The following CPNE1 variants were observed in gnomAD, a reference collection of about 807,000 sequenced individuals.
CPNE1 encodes copine 1, also known as copine-1.
Under a neutral mutation model 63.2 loss-of-function variants are expected in CPNE1, and 58 were observed. That is an observed-to-expected ratio of 0.92 (90% CI 0.74 to 1.14). CPNE1 has a LOEUF of 1.14. Ranked by LOEUF, CPNE1 falls within the 50% of genes most tolerant of loss-of-function variation. The pLI, the probability that CPNE1 is intolerant of heterozygous loss-of-function variation, is 0.00. For synonymous variants in CPNE1, 237 were observed against 249.0 expected (o/e 0.95, Z 0.45); for missense variants, 672 against 661.7 (o/e 1.02, Z -0.17).
intron 1 of CPNE1, chr20:35,654,107 G>T: frequency 1.2e-6 from 2 of 1,614,226 alleles, no homozygotes; most frequent in Admixed American, 1.7e-5. Flanking sequence ...GGAAGTGTCT[G>T]AGGAGGGGGA....
intron 1 of CPNE1, chr20:35,647,186 T>A (rs1384790221): frequency 1.3e-5 from 2 of 151,886 alleles, no homozygotes; most frequent in African/African-American, 4.8e-5. Flanking sequence ...TGGTGGCAGA[T>A]GCCCATAATC....
intron 1 of CPNE1, chr20:35,653,535 A>C: frequency 6.2e-7 from 1 of 1,614,226 alleles, no homozygotes; most frequent in Non-Finnish European, 8.5e-7. Flanking sequence ...TACGTGCATC[A>C]TCTTCATTTT....
intron 1 of CPNE1, among the ~76,000 whole-genome samples, chr20:35,634,405 C>A (rs1225545572): frequency 6.6e-6 from 1 of 151,384 alleles, no homozygotes; most frequent in Non-Finnish European, 1.5e-5. Context: ...ACCAGCCTGA[C>A]CAACATGGTG....
At chr20:35,653,505 AC>A in intron 1 of CPNE1, 1 of 1,614,210 alleles carries the variant, frequency 6.2e-7, no homozygotes, top group Non-Finnish European at 8.5e-7. Context: ...TAAGTTTTTT[AC>A]GGTGTAAGCG....
In CPNE1 at chr20:35,632,680, C is replaced by A; in HGVS notation, c.146G>T (p.Arg49Leu). 1 of 1,091,070 alleles carries A rather than the reference C, an allele frequency of 9.2e-7. No individual in the cohort carries two copies. The highest frequency in any genetic ancestry group is 1.4e-6 in the Non-Finnish European group (1 of 701,832). The allele number at this position is 1,091,070 out of a possible 1,614,324, so 67.6% of individuals were successfully genotyped here. A position where few individuals can be genotyped will look rare whatever the true frequency, so the allele number is the denominator to read the frequency against. Residue 49 changes from arginine (R) to leucine (L), a missense_variant, in exon 3 of 16, where the codon CGG becomes CTG. By Grantham distance (102) the Arg-to-Leu change is moderately radical (BLOSUM62 -2). Coordinates refer to ENST00000397443, the MANE Select transcript of CPNE1 (RefSeq NM_152925.3). ...CTCAGGGCTTGAGCAGTTCCGCACC[C>A]GTTCAGTCCGGCCAAGCTGTGGGCA... ...GSWAELGRTE[R>L]VRNCSSPEFS...
chr20:35,652,081 T>C (rs1457021187), intron 1 of CPNE1: 2 of 155,368 alleles, frequency 1.3e-5, no homozygotes, highest in Non-Finnish European at 2.9e-5. Context: ...GACAAAGCTT[T>C]ACCCTATAAC....
At chr20:35,646,461 G>C (rs1275670450) in intron 1 of CPNE1, among the ~76,000 whole-genome samples, 1 of 148,502 alleles carries the variant, frequency 6.7e-6, no homozygotes, top group Non-Finnish European at 1.5e-5. Context: ...GGGCTCAAGC[G>C]ATCCTCCCAC....
At chr20:35,656,010 G>A (rs1159270898) in intron 1 of CPNE1, among the ~76,000 whole-genome samples, 1 of 152,054 alleles carries the variant, frequency 6.6e-6, no homozygotes, top group Non-Finnish European at 1.5e-5. Context: ...TTATAAACAA[G>A]GTTAAGACAT....
intron 7 of CPNE1, 40 bp from the exon 8 acceptor site, chr20:35,631,618 G>A: frequency 6.2e-7 from 1 of 1,607,204 alleles, no homozygotes; most frequent in Non-Finnish European, 8.5e-7. Context: ...AAGCCAGGTG[G>A]CAGATGAGAA....
chr20:35,633,737 G>A (rs906803380), intron 1 of CPNE1, among the ~76,000 whole-genome samples: 103 of 151,856 alleles, frequency 6.8e-4, no homozygotes, highest in African/African-American at 2.3e-3. Flanking sequence ...CAGATCACTT[G>A]AGGTCAGGAG....
intron 1 of CPNE1, among the ~76,000 whole-genome samples, chr20:35,656,756 C>T (rs1160540867): frequency 1.4e-5 from 2 of 147,554 alleles, no homozygotes; most frequent in Non-Finnish European, 3.1e-5. Context: ...ATCCACCCTC[C>T]TCAGTCTTCC....
rs770387616 is a variant in CPNE1, at chr20:35,629,655, AT to A, written c.1102+783del. The stretch of plus-strand genomic sequence containing the variant: ...AACCTGCCCCAAGTCATGTGGCATC[AT>A]TTTTTTTTTTTTTTGAGATAGGTTC... On this transcript the variant is annotated intron_variant, in intron 13 of 15. Coordinates refer to ENST00000397443, the MANE Select transcript of CPNE1 (RefSeq NM_152925.3). Among the ~76,000 whole-genome samples the A allele has an allele frequency of 7.6e-3, 1,073 of 140,530 alleles. 3 individuals carry two copies. The highest frequency in any genetic ancestry group is 0.042 in the East Asian group (201 of 4,780). The allele number at this position is 140,530 out of a possible 152,430, so 92.2% of individuals were successfully genotyped here. A position where few individuals can be genotyped will look rare whatever the true frequency, so the allele number is the denominator to read the frequency against.
chr20:35,649,532 G>A (rs1163705346), intron 1 of CPNE1: 4 of 152,574 alleles, frequency 2.6e-5, no homozygotes, highest in Non-Finnish European at 4.4e-5. Flanking sequence ...ACAACTTGGA[G>A]TACAAAGCTA....
intron 1 of CPNE1, chr20:35,658,857 A>G (rs2034068251): frequency 1.4e-6 from 1 of 696,334 alleles, no homozygotes; most frequent in Non-Finnish European, 2.7e-6. Flanking sequence ...TGCTACATAT[A>G]TTTTCATATT....
chr20:35,635,234 CT>C (rs2032420903), intron 1 of CPNE1, among the ~76,000 whole-genome samples: 1 of 152,098 alleles, frequency 6.6e-6, no homozygotes. Context: ...CCCACTGCCC[CT>C]GGCATTGCAT....
chr20:35,636,220 G>A (rs1210533383), intron 1 of CPNE1, among the ~76,000 whole-genome samples: 3 of 152,172 alleles, frequency 2.0e-5, no homozygotes, highest in African/African-American at 7.2e-5. Context: ...GTTCCCCAAG[G>A]ACAGACCCAG....
chr20:35,633,214 T>C (rs1229585775), intron 1 of CPNE1, among the ~76,000 whole-genome samples: 9 of 152,162 alleles, frequency 5.9e-5, no homozygotes. Context: ...ACCCTAAAAT[T>C]TGTCTTAATC....
intron 1 of CPNE1, among the ~76,000 whole-genome samples, chr20:35,634,579 G>T (rs1247206329): frequency 6.6e-6 from 1 of 151,972 alleles, no homozygotes; most frequent in Non-Finnish European, 1.5e-5. Context: ...GGGCAACAAA[G>T]CTAGACTCCA....
intron 1 of CPNE1, among the ~76,000 whole-genome samples, chr20:35,662,663 C>T (rs547642177): frequency 1.7e-3 from 256 of 152,176 alleles, no homozygotes; most frequent in Non-Finnish European, 2.2e-3. Flanking sequence ...CAGAATGGCT[C>T]TCTGCAAAAT....
Sources: allele counts gnomAD v4.1 joint callset (sites outside exome capture counted in the v4.1 genomes callset), GRCh38; gene constraint gnomAD v4.1.1; transcripts MANE v1.5; gene names NCBI Gene and HGNC (gene_info 2026-07-23, HGNC 2026-07-21).